GLDN: variants seen among roughly 807,000 people sequenced by gnomAD.
GLDN encodes collomin.
Under a neutral mutation model 56.5 loss-of-function variants are expected in GLDN, and 47 were observed. The observed-to-expected ratio is 0.83, with a 90% CI of 0.66 to 1.06. The LOEUF (loss-of-function observed/expected upper bound fraction) is 1.06, where lower values mean the gene tolerates loss of function less well. Among genes scored for constraint, GLDN ranks in the 50% least tolerant of loss-of-function variants. GLDN has a pLI of 0.00. For missense variants in GLDN, 782 were observed against 714.3 expected (o/e 1.09, Z -1.08); for synonymous variants, 332 against 278.8 (o/e 1.19, Z -1.90).
At chr15:51,408,585 A>G (rs2038429785), downstream of GLDN, among the ~76,000 whole-genome samples, 1 of 152,136 alleles carries the variant, frequency 6.6e-6, no homozygotes, top group South Asian at 2.1e-4. Flanking sequence ...CATGTGCACA[A>G]CGTGCAGGTT....
chr15:51,360,157 G>A (rs139732933), intron 1 of GLDN: 1 of 152,296 alleles, frequency 6.6e-6, no homozygotes, highest in Non-Finnish European at 1.5e-5. Context: ...GGCAACTTCG[G>A]TGTTTTGTAA....
chr15:51,369,616 A>G (rs541730707), intron 1 of GLDN, among the ~76,000 whole-genome samples: 1 of 152,358 alleles, frequency 6.6e-6, no homozygotes, highest in South Asian at 2.1e-4. Context: ...AGTTCCAATG[A>G]GCAGTAGCAG....
At chr15:51,373,854 A>G (rs2037567649) in intron 1 of GLDN, among the ~76,000 whole-genome samples, 1 of 152,214 alleles carries the variant, frequency 6.6e-6, no homozygotes, top group Non-Finnish European at 1.5e-5. Context: ...CTCAAGACTT[A>G]AGAGGCCCTT....
rs1470660558 is a variant in GLDN at position 51,341,764 on chromosome 15, C to T, written c.80C>T (p.Ser27Leu). 9 of 1,486,758 alleles carry T rather than the reference C, an allele frequency of 6.1e-6. No individual in the cohort carries two copies. Among genetic ancestry groups the T allele is most frequent in the Non-Finnish European group, 8.0e-6 (9 of 1,128,656 alleles). 92.1% of individuals were successfully genotyped at this position (1,486,758 alleles called of 1,614,324 possible). ...GCCCTGGCGGCCGTGGCGCTGCTCTCGGCGCTCAACGCTGCGGGCACGGTG... is the reference window on the plus strand; with the variant it reads ...GCCCTGGCGGCCGTGGCGCTGCTCTTGGCGCTCAACGCTGCGGGCACGGTG... ...RGALAAVALL[S>L]ALNAAGTVFA... Residue 27 changes from serine (S) to leucine (L), a missense_variant, in exon 1 of 10, where the codon TCG (serine) becomes TTG (leucine). Physicochemically the swap from Ser to Leu is moderately radical, Grantham distance 145. Coordinates refer to ENST00000335449, the MANE Select transcript of GLDN (RefSeq NM_181789.4).
At position 51,404,260 on chromosome 15, in the gene GLDN, T is replaced by C. The variant is rs1457110777; in HGVS notation, c.1179-17T>C. 1.3e-6 allele frequency: 2 copies of C among 1,542,422 alleles called. No individual in the cohort carries two copies. The highest frequency in any genetic ancestry group is 1.7e-6 in the Non-Finnish European group (2 of 1,143,302). ...AACGGTGATTCATGTCTACTTTTCT[T>C]TGTTTGCATATTTCAGATTTGAATT... On this transcript the variant is annotated splice_polypyrimidine_tract_variant and intron_variant, in intron 9 of 9. Coordinates refer to ENST00000335449, the MANE Select transcript of GLDN (RefSeq NM_181789.4).
intron 1 of GLDN, among the ~76,000 whole-genome samples, chr15:51,365,425 A>G: frequency 6.6e-6 from 1 of 152,192 alleles, no homozygotes; most frequent in East Asian, 1.9e-4. Flanking sequence ...TTTATTGAGA[A>G]TGTACAACAT....
chr15:51,395,548 G>C (rs557739603), intron 5 of GLDN, among the ~76,000 whole-genome samples: 9 of 152,142 alleles, frequency 5.9e-5, no homozygotes, highest in Non-Finnish European at 1.0e-4. Flanking sequence ...AGAGTCCAGT[G>C]GTGGCAGGCT....
intron 1 of GLDN, chr15:51,369,252 G>T (rs1209433991): frequency 2.6e-5 from 4 of 152,246 alleles, no homozygotes; most frequent in African/African-American, 9.6e-5. Flanking sequence ...ATCTCCTGGA[G>T]CTTTTTCTAA....
intron 9 of GLDN, among the ~76,000 whole-genome samples, chr15:51,403,615 C>A (rs2038304166): frequency 6.6e-6 from 1 of 152,166 alleles, no homozygotes; most frequent in African/African-American, 2.4e-5. Context: ...AGATTCCATG[C>A]CATAGTTTAA....
intron 6 of GLDN, among the ~76,000 whole-genome samples, chr15:51,398,565 G>A (rs184814292): frequency 6.6e-6 from 1 of 152,326 alleles, no homozygotes; most frequent in Admixed American, 6.5e-5. Flanking sequence ...TTCCTAAACA[G>A]TCTTGAGTTC....
intron 1 of GLDN, chr15:51,351,331 T>C (rs2037072733): frequency 6.5e-6 from 1 of 153,440 alleles, no homozygotes; most frequent in African/African-American, 2.4e-5. Flanking sequence ...TTATGCACAC[T>C]ATTTCACTGC....
At chr15:51,377,318 C>A (rs939110193) in intron 1 of GLDN, 131 bp from the exon 2 acceptor site, 8 of 669,460 alleles carry the variant, frequency 1.2e-5, no homozygotes, top group South Asian at 1.1e-4. Flanking sequence ...ACTGCGTTTT[C>A]CTTGAACTTC....
At chr15:51,378,628 G>A (rs747343185) in intron 2 of GLDN, among the ~76,000 whole-genome samples, 37 of 152,328 alleles carry the variant, frequency 2.4e-4, no homozygotes, top group Non-Finnish European at 3.4e-4. Context: ...GGGGAACGAC[G>A]TCTGCACTGG....
chr15:51,386,974 C>T (rs988265305), intron 4 of GLDN, among the ~76,000 whole-genome samples: 2 of 152,038 alleles, frequency 1.3e-5, no homozygotes, highest in African/African-American at 4.8e-5. Flanking sequence ...GGGGCAGTGG[C>T]CTTGGAAAAC....
chr15:51,404,325 C>T lies in GLDN; in HGVS notation c.1227C>T (p.Ala409=), dbSNP rs2038321439. The T allele has an allele frequency of 6.2e-7, 1 of 1,611,780 alleles. No homozygotes were observed. Among genetic ancestry groups the T allele is most frequent in the African/African-American group, 1.3e-5 (1 of 74,928 alleles). The change falls in exon 10 of 10, where the codon GCC becomes GCT. Residue 409 remains alanine, a synonymous_variant. Transcript: ENST00000335449. The part of the protein sequence containing the change: ...ETSQTLKLEN[A]LYFDRKYLFA... ...CCCAAACTCTGAAGCTTGAAAATGC[C>T]TTGTATTTTGATCGAAAATACCTTT...
chr15:51,396,955 G>C (rs915593752), intron 5 of GLDN, among the ~76,000 whole-genome samples: 11 of 152,200 alleles, frequency 7.2e-5, no homozygotes, highest in Non-Finnish European at 1.6e-4. Context: ...TTACACTTCT[G>C]TTACGTAGGA....
At chr15:51,376,527 A>C (rs749753092) in intron 1 of GLDN, among the ~76,000 whole-genome samples, 22 of 152,198 alleles carry the variant, frequency 1.4e-4, no homozygotes, top group Non-Finnish European at 2.6e-4. Flanking sequence ...GGCTACACCA[A>C]ATTTATTTTA....
chr15:51,366,538 T>G (rs562548857), intron 1 of GLDN, among the ~76,000 whole-genome samples: 7 of 152,362 alleles, frequency 4.6e-5, no homozygotes, highest in African/African-American at 1.7e-4. Flanking sequence ...TAAGTCTTAG[T>G]AAGATTTATT....
At chr15:51,409,432 C>G (rs2038441320), downstream of GLDN, among the ~76,000 whole-genome samples, 1 of 152,144 alleles carries the variant, frequency 6.6e-6, no homozygotes, top group Non-Finnish European at 1.5e-5. Flanking sequence ...GATCCCTAAT[C>G]TTCTATCTAT....
Sources: gnomAD v4.1 joint callset for allele counts (sites outside exome capture counted in the v4.1 genomes callset) on GRCh38, gnomAD v4.1.1 for gene constraint, MANE v1.5 for transcripts, NCBI Gene and HGNC (gene_info 2026-07-23, HGNC 2026-07-21) for gene names.